Variants in REDIC1 observed in about 807,000 individuals in gnomAD.
REDIC1 encodes regulator of DNA class I crossover intermediates 1.
chr12:39,714,190 TGTATATATGTATATACATGCATATAC>T, the REDIC1 span, among the ~76,000 whole-genome samples: 3 of 137,952 alleles, frequency 2.2e-5, no homozygotes, highest in Admixed American at 7.4e-5. Context: ...CATGCATATA[TGTATATATGTATATACATGCATATAC>T]GTATATGCAT....
the REDIC1 span, among the ~76,000 whole-genome samples, chr12:39,712,348 A>C: frequency 2.2e-5 from 1 of 44,560 alleles, no homozygotes; most frequent in Non-Finnish European, 6.9e-5. Context: ...CTGTATTTAT[A>C]TATACATACA....
the REDIC1 span, among the ~76,000 whole-genome samples, chr12:39,719,969 T>C: frequency 6.6e-6 from 1 of 152,090 alleles, no homozygotes; most frequent in Non-Finnish European, 1.5e-5. Context: ...TACCCCTTTT[T>C]ATATTTAGTT....
the REDIC1 span, among the ~76,000 whole-genome samples, chr12:39,712,070 A>ATACATGTATATATACC: frequency 9.6e-6 from 1 of 104,228 alleles, no homozygotes; most frequent in Admixed American, 9.8e-5. Context: ...ACATGTATAT[A>ATACATGTATATATACC]TACCGGTATG....
At chr12:39,665,296 G>C in the REDIC1 span, among the ~76,000 whole-genome samples, 1 of 152,172 alleles carries the variant, frequency 6.6e-6, no homozygotes, top group South Asian at 2.1e-4. Context: ...CATATGGCTA[G>C]CCAGTTTTCC....
the REDIC1 span, chr12:39,684,147 A>G: frequency 2.0e-6 from 2 of 1,010,524 alleles, no homozygotes; most frequent in Admixed American, 5.6e-5. Context: ...TCTGAGTTTA[A>G]GGTGATTTTT....
chr12:39,815,493 A>G, the REDIC1 span, among the ~76,000 whole-genome samples: 1 of 152,176 alleles, frequency 6.6e-6, no homozygotes, highest in Non-Finnish European at 1.5e-5. Flanking sequence ...CTATCCTTTC[A>G]CTAACATTCA....
At chr12:39,666,864 A>G in the REDIC1 span, among the ~76,000 whole-genome samples, 2 of 152,114 alleles carry the variant, frequency 1.3e-5, no homozygotes, top group Admixed American at 6.5e-5. Context: ...AGAGGTGTTT[A>G]TAGTATTCTC....
At chr12:39,712,259 CAT>C in the REDIC1 span, among the ~76,000 whole-genome samples, 2,064 of 135,212 alleles carry the variant, frequency 0.015, 35 homozygotes, top group Non-Finnish European at 0.023. Context: ...TACATATATA[CAT>C]ATGTATATAT....
the REDIC1 span, chr12:39,682,886 A>G: frequency 1.9e-6 from 3 of 1,612,922 alleles, no homozygotes; most frequent in African/African-American, 1.3e-5. Context: ...ACATTTAACA[A>G]GTGTGATTAT....
chr12:39,698,603 A>G, the REDIC1 span, among the ~76,000 whole-genome samples: 80 of 152,322 alleles, frequency 5.3e-4, no homozygotes, highest in African/African-American at 1.9e-3. Flanking sequence ...GCAACAAAAC[A>G]AGTCTTAAAA....
chr12:39,713,715 G>T, the REDIC1 span, among the ~76,000 whole-genome samples: 1 of 145,188 alleles, frequency 6.9e-6, no homozygotes, highest in Non-Finnish European at 1.5e-5. Flanking sequence ...ATTTATGTAT[G>T]CCTGTATACA....
At chr12:39,720,985 C>G in the REDIC1 span, 15 of 1,613,702 alleles carry the variant, frequency 9.3e-6, no homozygotes, top group Non-Finnish European at 1.3e-5. Context: ...TAATACAGAT[C>G]AGTTTCCACA....
chr12:39,880,196 C>T, the REDIC1 span, among the ~76,000 whole-genome samples: 1 of 152,112 alleles, frequency 6.6e-6, no homozygotes, highest in African/African-American at 2.4e-5. Flanking sequence ...GAACCATAAG[C>T]CAAGTAAATC....
At chr12:39,759,999 A>C in the REDIC1 span, 732 of 1,578,748 alleles carry the variant, frequency 4.6e-4, 1 homozygote, top group Non-Finnish European at 5.9e-4. Flanking sequence ...GTTTGTTTAA[A>C]TAACTAAATA....
chr12:39,639,497 A>G, the REDIC1 span, among the ~76,000 whole-genome samples: 3 of 152,008 alleles, frequency 2.0e-5, no homozygotes, highest in Non-Finnish European at 2.9e-5. Context: ...GTTTATGAAA[A>G]TCACTGGGAA....
chr12:39,748,344 G>T, the REDIC1 span, among the ~76,000 whole-genome samples: 2 of 152,150 alleles, frequency 1.3e-5, no homozygotes, highest in East Asian at 3.8e-4. Context: ...TAATGGTAAA[G>T]GGATCAATTC....
chr12:39,869,357 C>T, the REDIC1 span, among the ~76,000 whole-genome samples: 1 of 152,200 alleles, frequency 6.6e-6, no homozygotes, highest in Admixed American at 6.5e-5. Context: ...ACATGAATGG[C>T]ACCATTTACT....
the REDIC1 span, among the ~76,000 whole-genome samples, chr12:39,825,191 C>A: frequency 6.6e-6 from 1 of 152,018 alleles, no homozygotes; most frequent in Non-Finnish European, 1.5e-5. Context: ...AAGAAAGTGT[C>A]CCTCATTAGC....
the REDIC1 span, among the ~76,000 whole-genome samples, chr12:39,703,451 A>G: frequency 6.6e-6 from 1 of 150,492 alleles, no homozygotes; most frequent in Non-Finnish European, 1.5e-5. Context: ...AAACAAATGG[A>G]AGAACATTCC....
Sources: allele counts gnomAD v4.1 joint callset (sites outside exome capture counted in the v4.1 genomes callset), GRCh38; gene constraint gnomAD v4.1.1; transcripts MANE v1.5; gene names NCBI Gene and HGNC (gene_info 2026-07-23, HGNC 2026-07-21).